NHS: variants seen among roughly 807,000 people sequenced by gnomAD.
NHS encodes actin remodeling regulator NHS.
Under a neutral mutation model 72.5 loss-of-function variants are expected in NHS, and 5 were observed. The observed-to-expected ratio is 0.07, with a 90% confidence interval of 0.04 to 0.14. NHS has a LOEUF of 0.14. NHS is among the 10% of genes least tolerant of loss of function. The pLI is 1.00. For synonymous variants in NHS, 464 were observed against 547.7 expected (o/e 0.85, Z 2.13); for missense variants, 1,072 against 1,355.7 (o/e 0.79, Z 3.29).
chrX:17,404,152 A>G (rs140336809), intron 1 of NHS, among the ~76,000 whole-genome samples: 1 of 112,023 alleles, frequency 8.9e-6, no homozygotes, highest in East Asian at 2.8e-4. Flanking sequence ...TAAGGAGTAT[A>G]AGACGGAATA....
chrX:17,712,290 TACACACACACACACACACAC>T (rs1308908423), intron 3 of NHS, among the ~76,000 whole-genome samples: 17 of 52,982 alleles, frequency 3.2e-4, no homozygotes, highest in East Asian at 1.3e-3. Context: ...TATATATATA[TACACACACACACACACACAC>T]ATATATATAT....
chrX:17,660,507 C>T (rs1323504354), intron 1 of NHS, among the ~76,000 whole-genome samples: 1 of 112,589 alleles, frequency 8.9e-6, no homozygotes, highest in Non-Finnish European at 1.9e-5. Context: ...AACTTGACAG[C>T]TCTGCTAGTC....
intron 1 of NHS, among the ~76,000 whole-genome samples, chrX:17,652,024 A>G (rs759188305): frequency 1.2e-3 from 139 of 112,617 alleles, no homozygotes; most frequent in African/African-American, 4.0e-3. Flanking sequence ...AGAAGGTTCT[A>G]TTGAAACACA....
Position 17,732,427 on chromosome X carries a change from G to A in NHS, c.4919G>A (p.Ser1640Asn). 8 of 1,212,419 alleles carry A rather than the reference G, an allele frequency of 6.6e-6. No homozygotes were observed. Among genetic ancestry groups the A allele is most frequent in the Non-Finnish European group, 8.9e-6 (8 of 895,691 alleles). ...GGAGAGACGGAAAATTCTGACGGGA[G>A]CCCACATGACGACCGTTCCTCCCAG... ...SEGETENSDG[S>N]PHDDRSSQSS... The change falls in exon 9 of 9, where the codon AGC becomes AAC. Residue 1640 changes from serine (S) to asparagine (N), a missense_variant. Coordinates refer to ENST00000676302, the MANE Select transcript of NHS (RefSeq NM_001291867.2).
At position 17,719,391 on chromosome X, in the gene NHS, C is replaced by T; in HGVS notation, c.900C>T (p.Thr300=). The T allele has an allele frequency of 6.0e-6, 7 of 1,165,238 alleles. No individual in the cohort carries two copies. The highest frequency in any genetic ancestry group is 8.0e-6 in the Non-Finnish European group (7 of 870,948). Residue 300 remains threonine, a synonymous_variant, in exon 4 of 9, where the codon ACC becomes ACT. Coordinates refer to ENST00000676302, the MANE Select transcript of NHS (RefSeq NM_001291867.2). ...CCCCCACTGAATGTTGCCACATGAC[C>T]CCGTGGAGTAGAAAGGTATTGGTTC... ...SPSPTECCHM[T]PWSRKSHPPE... is the part of the protein sequence containing the mutation.
chrX:17,622,557 G>A (rs1018671416), intron 1 of NHS, among the ~76,000 whole-genome samples: 4 of 112,572 alleles, frequency 3.6e-5, no homozygotes, highest in African/African-American at 9.7e-5. Context: ...TGTCACTTCA[G>A]GGTGGGATGT....
chrX:17,463,978 A>G (rs2064860279), intron 1 of NHS, among the ~76,000 whole-genome samples: 1 of 112,234 alleles, frequency 8.9e-6, no homozygotes, highest in South Asian at 3.7e-4. Flanking sequence ...GGGTCTTATA[A>G]CCTGCAGTCA....
At chrX:17,412,543 G>A (rs191249998) in intron 1 of NHS, among the ~76,000 whole-genome samples, 1 of 110,671 alleles carries the variant, frequency 9.0e-6, no homozygotes, top group East Asian at 2.8e-4. Flanking sequence ...GCTGCAGTGA[G>A]CTGTGATCAC....
rs753617338 is a variant in NHS, at chrX:17,420,802, A to G, written c.565+44480A>G. Among the ~76,000 whole-genome samples, 15 of 111,980 alleles carry G rather than the reference A, an allele frequency of 1.3e-4. No individual in the cohort carries two copies. In the South Asian group the frequency reaches 5.6e-3, roughly 42 times the overall value. ...GCAGTCTTCAACCTCACAGTGGCCT[A>G]ATCTCAGTAAATGTGTATTGGCATT... On this transcript the variant is annotated intron_variant, in intron 1 of 8. Coordinates refer to ENST00000676302, the MANE Select transcript of NHS (RefSeq NM_001291867.2).
chrX:17,542,153 C>G (rs775819500), intron 1 of NHS, among the ~76,000 whole-genome samples: 1 of 112,941 alleles, frequency 8.9e-6, no homozygotes, highest in East Asian at 2.8e-4. Context: ...ATTACAGAGC[C>G]AGGCCTGCCA....
Position 17,402,010 on chromosome X carries a change from T to C in NHS, c.565+25688T>C, listed in dbSNP as rs138245107. Among the ~76,000 whole-genome samples the C allele has an allele frequency of 3.3e-4, 37 of 111,765 alleles. No individual in the cohort carries two copies. The East Asian group carries it at 9.8e-3, about 30-fold the overall frequency. ...AACAATAAAAAGACAACCTAATTTT[T>C]TAAGTGGGCAAAAGATTTGAATAGA... On this transcript the variant is annotated intron_variant, in intron 1 of 8. Coordinates refer to ENST00000676302, the MANE Select transcript of NHS (RefSeq NM_001291867.2).
chrX:17,460,912 C>A (rs182482226), intron 1 of NHS, among the ~76,000 whole-genome samples: 17 of 112,012 alleles, frequency 1.5e-4, no homozygotes, highest in Non-Finnish European at 2.8e-4. Context: ...GATTCAAGCC[C>A]AGGGAGTCTG....
chrX:17,630,053 G>A (rs2065817649), intron 1 of NHS, among the ~76,000 whole-genome samples: 1 of 106,438 alleles, frequency 9.4e-6, no homozygotes, highest in Admixed American at 1.0e-4. Context: ...TACTGGTTAT[G>A]GAGCATATGA....
intron 1 of NHS, among the ~76,000 whole-genome samples, chrX:17,491,126 G>C (rs972961352): frequency 9.0e-6 from 1 of 111,335 alleles, no homozygotes; most frequent in Non-Finnish European, 1.9e-5. Context: ...TTGCTTTCTT[G>C]TGCCTGATTG....
At chrX:17,417,471 C>G (rs1203862603) in intron 1 of NHS, among the ~76,000 whole-genome samples, 1 of 111,802 alleles carries the variant, frequency 8.9e-6, no homozygotes, top group African/African-American at 3.3e-5. Flanking sequence ...AGCAGAGCAG[C>G]AGGAGCAAAT....
chrX:17,375,778 C>T lies in NHS; in HGVS notation c.21C>T (p.Ile7=). 8.7e-7 allele frequency: 1 copy of T among 1,153,325 alleles called. No individual in the cohort carries two copies. The highest frequency in any genetic ancestry group is 3.3e-5 in the East Asian group (1 of 30,680). Residue 7 remains isoleucine (I), a synonymous_variant, in exon 1 of 9, where the codon ATC becomes ATT. Transcript: ENST00000676302. MPFAKR[I]VEPQWLCRQR... ...GCGGGATGCCTTTCGCCAAGCGGAT[C>T]GTGGAGCCGCAATGGCTGTGCAGGC...
chrX:17,585,751 TAA>T (rs199966309), intron 1 of NHS, among the ~76,000 whole-genome samples: 2,535 of 107,838 alleles, frequency 0.024, 67 homozygotes, highest in African/African-American at 0.077. Flanking sequence ...ATAATAATAA[TAA>T]TAATAATAAT....
intron 1 of NHS, among the ~76,000 whole-genome samples, chrX:17,681,949 T>G (rs2066131821): frequency 9.0e-6 from 1 of 111,257 alleles, no homozygotes; most frequent in Middle Eastern, 4.6e-3. Flanking sequence ...TCATCCATAG[T>G]GGGGAACAAA....
intron 1 of NHS, among the ~76,000 whole-genome samples, chrX:17,674,704 T>C (rs984194198): frequency 8.9e-6 from 1 of 112,082 alleles, no homozygotes; most frequent in Non-Finnish European, 1.9e-5. Context: ...TATTTCCCTT[T>C]TCCCTGCAGG....
Sources: allele counts gnomAD v4.1 joint callset (sites outside exome capture counted in the v4.1 genomes callset), GRCh38; gene constraint gnomAD v4.1.1; transcripts MANE v1.5; gene names NCBI Gene and HGNC (gene_info 2026-07-23, HGNC 2026-07-21).